Variants in TPO observed in about 807,000 individuals in gnomAD.
TPO encodes the protein thyroid peroxidase, also known as thyroid microsomal antigen.
Under a neutral mutation model 96.9 loss-of-function variants are expected in TPO, and 78 were observed. The ratio of observed to expected loss-of-function variants is 0.81; its 90% confidence interval spans 0.67 to 0.97. TPO has a LOEUF of 0.97. Ranked by LOEUF, TPO falls within the 50% of genes least tolerant of loss-of-function variation. The pLI, the probability that TPO is intolerant of heterozygous loss-of-function variation, is 0.00. For synonymous variants in TPO, 547 were observed against 538.0 expected (o/e 1.02, Z -0.23); for missense variants, 1,252 against 1,274.8 (o/e 0.98, Z 0.27).
intron 5 of TPO, among the ~76,000 whole-genome samples, chr2:1,446,082 G>A (rs1165376039): frequency 6.6e-6 from 1 of 152,146 alleles, no homozygotes; most frequent in Non-Finnish European, 1.5e-5. Context: ...GGAGGGACAG[G>A]TGGCCGAGTC....
At chr2:1,520,234 T>C (rs11904276) in intron 15 of TPO, among the ~76,000 whole-genome samples, 43,591 of 152,042 alleles carry the variant, frequency 0.29, 7,729 homozygotes, top group African/African-American at 0.51. Context: ...CTGAGACCCC[T>C]ATTCTGCTCC....
At chr2:1,379,576 G>A (rs76031098) in intron 1 of TPO, among the ~76,000 whole-genome samples, 1,681 of 152,166 alleles carry the variant, frequency 0.011, 42 homozygotes, top group African/African-American at 0.038. Flanking sequence ...GTCTCCTTAC[G>A]CAGATGTGCT....
At chr2:1,541,582 C>T (rs1680774695) in intron 16 of TPO, 1 of 152,286 alleles carries the variant, frequency 6.6e-6, no homozygotes, top group South Asian at 2.1e-4. Flanking sequence ...GTGTTGAGCC[C>T]TTAGGCCCAA....
chr2:1,428,823 T>C (rs1423040106), intron 3 of TPO, among the ~76,000 whole-genome samples: 1 of 152,162 alleles, frequency 6.6e-6, no homozygotes, highest in Non-Finnish European at 1.5e-5. Context: ...CTGTCTACCA[T>C]GGCGAGTCCT....
chr2:1,375,407 A>C (rs1305046764), intron 1 of TPO, among the ~76,000 whole-genome samples: 1 of 152,176 alleles, frequency 6.6e-6, no homozygotes, highest in African/African-American at 2.4e-5. Flanking sequence ...AACAAACACA[A>C]GTCCCAGTGG....
intron 14 of TPO, among the ~76,000 whole-genome samples, chr2:1,509,922 C>G (rs1047578234): frequency 1.3e-5 from 2 of 151,162 alleles, no homozygotes; most frequent in Admixed American, 1.3e-4. Context: ...ACACCCCACC[C>G]TGTTGTTTCA....
rs147702474 is a variant in TPO at position 1,504,941 on chromosome 2, C to A, written c.2518+862C>A. Among the ~76,000 whole-genome samples, 583 of 152,316 alleles carry A rather than the reference C, an allele frequency of 3.8e-3. 6 individuals are homozygous for A. Among genetic ancestry groups the A allele is most frequent in the African/African-American group, 0.013 (553 of 41,578 alleles). ...AAGAACCAAGTGCAAGGCTCAAATG[C>A]AGCAAAGGTAGCTGGGACGTCCAGC... On this transcript the variant is annotated intron_variant, in intron 14 of 16. Coordinates refer to ENST00000329066, the MANE Select transcript of TPO (RefSeq NM_001206744.2).
upstream of TPO, among the ~76,000 whole-genome samples, chr2:1,408,970 C>A (rs943656250): frequency 2.0e-5 from 3 of 152,144 alleles, no homozygotes; most frequent in African/African-American, 7.2e-5. Flanking sequence ...TATAAGTCAC[C>A]CCCGATGGCA....
intron 15 of TPO, among the ~76,000 whole-genome samples, chr2:1,535,654 C>T (rs1428252616): frequency 4.9e-5 from 5 of 102,480 alleles, no homozygotes; most frequent in African/African-American, 7.0e-5. Context: ...TGTGCAACCT[C>T]CTCAAATCCC....
At chr2:1,418,773 C>T (rs746706118) in intron 2 of TPO, among the ~76,000 whole-genome samples, 3 of 152,210 alleles carry the variant, frequency 2.0e-5, no homozygotes, top group African/African-American at 4.8e-5. Context: ...GAAGCAGAGG[C>T]GCTGCCTGCA....
At chr2:1,454,641 T>C (rs530254237) in intron 6 of TPO, among the ~76,000 whole-genome samples, 72 of 152,292 alleles carry the variant, frequency 4.7e-4, no homozygotes, top group African/African-American at 1.7e-3. Context: ...CTGCTCCCAC[T>C]GGCTTCCTGC....
Position 1,494,183 on chromosome 2 carries a change from AC to A in TPO, c.2006+147del. On this transcript the variant is annotated intron_variant, in intron 11 of 16. Transcript: ENST00000329066. ...TAAGCCTGGTCAGGTTGTTTCTCCCACCCACAGCTTCTTTAACCTAGAACAG... is the reference window on the plus strand; with the variant it reads ...TAAGCCTGGTCAGGTTGTTTCTCCCACCACAGCTTCTTTAACCTAGAACAG... 6 of 862,098 alleles carry A rather than the reference AC, an allele frequency of 7.0e-6. No homozygotes were observed. In the South Asian group the frequency reaches 8.2e-5, roughly 12 times the overall value. The allele number at this position is 862,098 out of a possible 1,614,324, so 53.4% of individuals were successfully genotyped here.
At chr2:1,468,581 A>G (rs1397461453) in intron 7 of TPO, among the ~76,000 whole-genome samples, 1 of 152,068 alleles carries the variant, frequency 6.6e-6, no homozygotes, top group Non-Finnish European at 1.5e-5. Context: ...TCTGCTGTTA[A>G]TCTGATAGGT....
At chr2:1,468,324 G>A (rs1669094512) in intron 7 of TPO, among the ~76,000 whole-genome samples, 1 of 152,116 alleles carries the variant, frequency 6.6e-6, no homozygotes, top group Non-Finnish European at 1.5e-5. Context: ...CTTTAAAGAG[G>A]TTGTGTTTTG....
chr2:1,414,262 C>A (rs1040346110), intron 1 of TPO, 146 bp from the exon 2 acceptor site: 5 of 777,666 alleles, frequency 6.4e-6, no homozygotes, highest in Non-Finnish European at 1.1e-5. Context: ...GTCTCGCAGA[C>A]CCCAGGCCTG....
intron 1 of TPO, among the ~76,000 whole-genome samples, chr2:1,392,852 A>AT (rs1662024706): frequency 1.3e-5 from 2 of 152,018 alleles, no homozygotes; most frequent in Admixed American, 6.6e-5. Flanking sequence ...CCCCTTTATC[A>AT]TTTTTTATTG....
chr2:1,540,951 C>A (rs1458997576), intron 16 of TPO: 2 of 1,507,072 alleles, frequency 1.3e-6, no homozygotes, highest in Non-Finnish European at 1.8e-6. Context: ...TTGTACAAAC[C>A]GGTTCCAAAA....
At chr2:1,456,650 CAT>C (rs748463929) in intron 7 of TPO, among the ~76,000 whole-genome samples, 2 of 122,248 alleles carry the variant, frequency 1.6e-5, no homozygotes, top group Non-Finnish European at 1.8e-5. Flanking sequence ...TGTGGGTACA[CAT>C]ATATATAGCA....
intron 4 of TPO, among the ~76,000 whole-genome samples, chr2:1,435,064 A>G (rs888969480): frequency 6.6e-6 from 1 of 152,072 alleles, no homozygotes; most frequent in African/African-American, 2.4e-5. Context: ...CTCCTGAGTA[A>G]CTGGGACTAC....
Sources: allele counts gnomAD v4.1 joint callset (sites outside exome capture counted in the v4.1 genomes callset), GRCh38; gene constraint gnomAD v4.1.1; transcripts MANE v1.5; gene names NCBI Gene and HGNC (gene_info 2026-07-23, HGNC 2026-07-21).